Variants in GNB4 observed in about 807,000 individuals in gnomAD.
The protein encoded by GNB4 is guanine nucleotide-binding protein subunit beta-4.
Under a neutral mutation model 45.2 loss-of-function variants are expected in GNB4, and 28 were observed. The observed-to-expected ratio is 0.62, with a 90% CI of 0.46 to 0.85. The LOEUF (loss-of-function observed/expected upper bound fraction) is 0.85, where lower values mean the gene tolerates loss of function less well. Ranked by LOEUF, GNB4 falls within the 40% of genes least tolerant of loss-of-function variation. The pLI, the probability that GNB4 is intolerant of heterozygous loss-of-function variation, is 0.00. For missense variants in GNB4, 321 were observed against 425.4 expected (o/e 0.75, Z 2.16); for synonymous variants, 132 against 143.7 (o/e 0.92, Z 0.58).
chr3:179,440,855 A>T (rs1715575346), intron 1 of GNB4, among the ~76,000 whole-genome samples: 1 of 148,634 alleles, frequency 6.7e-6, no homozygotes. Flanking sequence ...TGTATTTTTT[A>T]AAAATTCCTA....
Position 179,426,259 on chromosome 3 carries a change from A to C in GNB4, c.-42-17T>G, listed in dbSNP as rs1715145391. On this transcript the variant is annotated splice_polypyrimidine_tract_variant and intron_variant, in intron 1 of 9. Transcript: ENST00000232564. Reference sequence around the variant, plus strand: ...TGAAAACAGCTGTTAAAAAACAGAGAGCAAGAGAAAGATTCAGTTCTCTAC... The same window carrying C: ...TGAAAACAGCTGTTAAAAAACAGAGCGCAAGAGAAAGATTCAGTTCTCTAC... 7.1e-6 allele frequency: 9 copies of C among 1,270,050 alleles called. No homozygotes were observed. In the East Asian group the frequency reaches 2.2e-4, roughly 31 times the overall value. The allele number at this position is 1,270,050 out of a possible 1,614,324, so 78.7% of individuals were successfully genotyped here.
chr3:179,437,577 A>G (rs1409171193), intron 1 of GNB4, among the ~76,000 whole-genome samples: 2 of 152,088 alleles, frequency 1.3e-5, no homozygotes, highest in African/African-American at 4.8e-5. Flanking sequence ...AAAAAACAAA[A>G]ACAGACTAAG....
upstream of GNB4, among the ~76,000 whole-genome samples, chr3:179,454,472 G>T (rs1577044820): frequency 6.6e-6 from 1 of 152,168 alleles, no homozygotes; most frequent in Admixed American, 6.5e-5. Flanking sequence ...TAGGAGTTTA[G>T]TTACAGTTTC....
At chr3:179,505,576 G>C in the GNB4 span, among the ~76,000 whole-genome samples, 1 of 152,186 alleles carries the variant, frequency 6.6e-6, no homozygotes, top group Non-Finnish European at 1.5e-5. Context: ...CAGGAATTTA[G>C]AGCTGAGGTG....
upstream of GNB4, among the ~76,000 whole-genome samples, chr3:179,454,065 G>T (rs995046164): frequency 1.1e-4 from 16 of 152,182 alleles, no homozygotes; most frequent in African/African-American, 3.9e-4. Context: ...AGGTGAAGGG[G>T]TATGCTATTA....
chr3:179,491,237 TA>T, the GNB4 span, among the ~76,000 whole-genome samples: 1 of 152,282 alleles, frequency 6.6e-6, no homozygotes, highest in African/African-American at 2.4e-5. Context: ...ATTAGAAGAA[TA>T]AAAAATTTTT....
the GNB4 span, among the ~76,000 whole-genome samples, chr3:179,495,842 A>G: frequency 6.6e-6 from 1 of 152,176 alleles, no homozygotes; most frequent in African/African-American, 2.4e-5. Flanking sequence ...TTCAACCAAG[A>G]ATACTTATCT....
intron 1 of GNB4, among the ~76,000 whole-genome samples, chr3:179,446,944 C>T (rs1037913766): frequency 7.9e-5 from 12 of 152,068 alleles, no homozygotes; most frequent in Admixed American, 3.3e-4. Flanking sequence ...TCTAGAGATT[C>T]GGTAGTAAAC....
At chr3:179,494,321 A>G in the GNB4 span, among the ~76,000 whole-genome samples, 1 of 151,734 alleles carries the variant, frequency 6.6e-6, no homozygotes, top group Admixed American at 6.6e-5. Flanking sequence ...AAGGAAAGAA[A>G]GAAAGAGAAA....
chr3:179,475,301 A>G, the GNB4 span, among the ~76,000 whole-genome samples: 3 of 150,312 alleles, frequency 2.0e-5, no homozygotes, highest in Non-Finnish European at 4.4e-5. Flanking sequence ...GTATTTTTAT[A>G]ATTGCAGACA....
intron 3 of GNB4, among the ~76,000 whole-genome samples, chr3:179,419,800 A>G (rs1329565874): frequency 6.6e-5 from 10 of 152,160 alleles, no homozygotes; most frequent in Admixed American, 6.6e-4. Context: ...TGCTTTAGTA[A>G]AAAACCAGCC....
intron 1 of GNB4, among the ~76,000 whole-genome samples, chr3:179,440,171 C>T (rs1715560626): frequency 6.6e-6 from 1 of 152,152 alleles, no homozygotes; most frequent in East Asian, 1.9e-4. Context: ...CTTCTCTTTC[C>T]TTGAGGGAAA....
At chr3:179,481,702 AT>A in the GNB4 span, among the ~76,000 whole-genome samples, 1 of 152,166 alleles carries the variant, frequency 6.6e-6, no homozygotes, top group Non-Finnish European at 1.5e-5. Context: ...AAAAAGAATG[AT>A]TTAATTAATA....
At chr3:179,469,231 T>C in the GNB4 span, among the ~76,000 whole-genome samples, 2 of 152,294 alleles carry the variant, frequency 1.3e-5, no homozygotes, top group African/African-American at 4.8e-5. Context: ...GTTCTCAGGA[T>C]CTCTTGAGAC....
the GNB4 span, among the ~76,000 whole-genome samples, chr3:179,472,361 T>C: frequency 0.48 from 67,177 of 141,056 alleles, 16,992 homozygotes; most frequent in East Asian, 0.91. Flanking sequence ...CCTTTCCTTT[T>C]CTTTCTTTCT....
chr3:179,407,936 A>G (rs1714524416), intron 8 of GNB4, among the ~76,000 whole-genome samples: 1 of 152,174 alleles, frequency 6.6e-6, no homozygotes, highest in Non-Finnish European at 1.5e-5. Context: ...CTTTTGCCTC[A>G]CCAGTGGGGC....
chr3:179,414,411 T>G (rs1172375277), intron 6 of GNB4, among the ~76,000 whole-genome samples: 1 of 152,180 alleles, frequency 6.6e-6, no homozygotes, highest in Non-Finnish European at 1.5e-5. Flanking sequence ...AGATACCAGA[T>G]AAGTGGCAAT....
At chr3:179,522,141 C>T in the GNB4 span, among the ~76,000 whole-genome samples, 1 of 152,174 alleles carries the variant, frequency 6.6e-6, no homozygotes, top group East Asian at 1.9e-4. Context: ...TGTACACATC[C>T]AGATAGCCAG....
chr3:179,397,835 C>A lies in GNB4; in HGVS notation c.*3378G>T, dbSNP rs1231317161. ...CACCAAAACCTCCACCTCCTGAGTT[C>A]AAGTAATTCTCTGCCTCAGCCTCAC... On this transcript the variant is annotated 3_prime_UTR_variant, in exon 10 of 10. Coordinates refer to ENST00000232564, the MANE Select transcript of GNB4 (RefSeq NM_021629.4). The A allele has an allele frequency of 6.7e-6, 1 of 150,290 alleles. No individual in the cohort carries two copies. The highest frequency in any genetic ancestry group is 1.5e-5 in the Non-Finnish European group (1 of 68,066). 9.3% of individuals were successfully genotyped at this position (150,290 alleles called of 1,614,324 possible). A position where few individuals can be genotyped will look rare whatever the true frequency, so the allele number is the denominator to read the frequency against.
Sources: allele counts gnomAD v4.1 joint callset (sites outside exome capture counted in the v4.1 genomes callset), GRCh38; gene constraint gnomAD v4.1.1; transcripts MANE v1.5; gene names NCBI Gene and HGNC (gene_info 2026-07-23, HGNC 2026-07-21).